RGS3: variants seen among roughly 807,000 people sequenced by gnomAD.
The protein encoded by RGS3 is regulator of G protein signaling 3.
Under a neutral mutation model 132.6 loss-of-function variants are expected in RGS3, and 80 were observed. The ratio of observed to expected loss-of-function variants is 0.60; its 90% CI spans 0.50 to 0.73. RGS3 has a LOEUF of 0.73. Among genes scored for constraint, RGS3 ranks in the 30% least tolerant of loss-of-function variants. The pLI is 0.00. For missense variants in RGS3, 1,382 were observed against 1,530.8 expected, an observed-to-expected ratio of 0.90 and a Z score of 1.62; for synonymous variants, 598 against 620.6, an observed-to-expected ratio of 0.96 and a Z score of 0.54.
intron 4 of RGS3, among the ~76,000 whole-genome samples, chr9:113,481,690 C>T: frequency 6.6e-6 from 1 of 152,232 alleles, no homozygotes; most frequent in East Asian, 1.9e-4. Context: ...CCATTGGTTT[C>T]CCAGGCCTTG....
At chr9:113,480,528 G>A (rs1298600905) in intron 4 of RGS3, among the ~76,000 whole-genome samples, 1 of 152,108 alleles carries the variant, frequency 6.6e-6, no homozygotes, top group Non-Finnish European at 1.5e-5. Context: ...TCTGTGCTAG[G>A]GGCTGGGAAC....
chr9:113,572,694 G>A (rs1834343056), intron 19 of RGS3, among the ~76,000 whole-genome samples: 1 of 152,226 alleles, frequency 6.6e-6, no homozygotes. Flanking sequence ...CTATGCCTTG[G>A]GCCCTGAACT....
intron 19 of RGS3, among the ~76,000 whole-genome samples, chr9:113,556,419 G>A (rs1833568502): frequency 6.6e-6 from 1 of 151,846 alleles, no homozygotes; most frequent in South Asian, 2.1e-4. Flanking sequence ...AATAATAATG[G>A]TGCCTAACAT....
At chr9:113,447,323 G>GTATACGTATATATATA (rs1829126423) in intron 1 of RGS3, among the ~76,000 whole-genome samples, 1 of 29,422 alleles carries the variant, frequency 3.4e-5, no homozygotes, top group Non-Finnish European at 6.8e-5. Context: ...TCTGATGTAT[G>GTATACGTATATATATA]TATATGTATA....
chr9:113,581,021 A>C (rs1225566129), intron 19 of RGS3: 6 of 58,772 alleles, frequency 1.0e-4, no homozygotes, highest in African/African-American at 1.6e-4. Flanking sequence ...TGGCTGGGCC[A>C]GGGGGTGGGT....
exon 9 of RGS3, chr9:113,497,393 G>C (rs746268190): frequency 1.2e-6 from 2 of 1,613,152 alleles, no homozygotes; most frequent in South Asian, 2.2e-5. Flanking sequence ...CGGCGACTGC[G>C]GCCGCTGAGA....
intron 19 of RGS3, among the ~76,000 whole-genome samples, chr9:113,573,920 A>C (rs1415862835): frequency 2.0e-5 from 3 of 152,250 alleles, no homozygotes; most frequent in Non-Finnish European, 4.4e-5. Context: ...TAGAAAGAGC[A>C]GGGCTTTGGA....
intron 19 of RGS3, chr9:113,582,025 T>G: frequency 8.1e-6 from 8 of 985,548 alleles, no homozygotes; most frequent in Non-Finnish European, 9.6e-6. Context: ...AGGCTGTGGC[T>G]CTTACCCGTG....
chr9:113,572,886 A>G (rs556940903), intron 19 of RGS3, among the ~76,000 whole-genome samples: 13 of 152,356 alleles, frequency 8.5e-5, no homozygotes, highest in African/African-American at 2.9e-4. Flanking sequence ...TGAAACCTGC[A>G]ACTAACAGGA....
upstream of RGS3, among the ~76,000 whole-genome samples, chr9:113,455,790 T>A (rs969405729): frequency 2.6e-5 from 4 of 152,214 alleles, no homozygotes; most frequent in Non-Finnish European, 5.9e-5. Context: ...GAGACACTTT[T>A]AAAAGGCAAA....
At chr9:113,503,160 G>A (rs1032149066) in intron 10 of RGS3, among the ~76,000 whole-genome samples, 4 of 152,214 alleles carry the variant, frequency 2.6e-5, no homozygotes, top group Non-Finnish European at 5.9e-5. Flanking sequence ...CCACCCGCAG[G>A]AAGGACAGGC....
chr9:113,548,857 C>T (rs1833218861), intron 19 of RGS3, among the ~76,000 whole-genome samples: 1 of 152,188 alleles, frequency 6.6e-6, no homozygotes, highest in African/African-American at 2.4e-5. Flanking sequence ...CGCACAGAGA[C>T]TGGGAACTCC....
At chr9:113,521,661 ATGTT>A (rs1383518825) in intron 16 of RGS3, among the ~76,000 whole-genome samples, 1 of 152,214 alleles carries the variant, frequency 6.6e-6, no homozygotes, top group African/African-American at 2.4e-5. Flanking sequence ...CTCTTGATGA[ATGTT>A]TGTTATTTTC....
In RGS3 at chr9:113,507,025, T is replaced by C. The variant is rs1831158979; in HGVS notation, c.1086-262T>C. Among the ~76,000 whole-genome samples, 1 of 152,180 alleles carries C rather than the reference T, an allele frequency of 6.6e-6. No homozygotes were observed. The highest frequency in any genetic ancestry group is 6.5e-5 in the Admixed American group (1 of 15,282). On this transcript the variant is annotated intron_variant, in intron 12 of 24. Transcript: ENST00000350696. The surrounding 1 kb of genome is among the most constrained non-coding windows in gnomAD (Gnocchi z 5.0). Reference sequence around the variant, plus strand: ...TTTGATAAGCATCATGGATTGAGTATGGAACTCTTTCCTGTTGAAACTGGC... The same window carrying C: ...TTTGATAAGCATCATGGATTGAGTACGGAACTCTTTCCTGTTGAAACTGGC...
intron 19 of RGS3, among the ~76,000 whole-genome samples, chr9:113,539,412 C>T (rs1352251862): frequency 6.6e-6 from 1 of 152,170 alleles, no homozygotes; most frequent in East Asian, 1.9e-4. Context: ...TGGGTTCAAG[C>T]GATTCTCATG....
At chr9:113,595,088 G>A (rs1835692716) in intron 23 of RGS3, 108 bp downstream of exon 21, 15 of 1,039,292 alleles carry the variant, frequency 1.4e-5, no homozygotes, top group East Asian at 5.1e-5. Flanking sequence ...CCCTCTCCTC[G>A]GCCGTCAGGG....
chr9:113,578,474 C>A (rs1193032862), intron 19 of RGS3, among the ~76,000 whole-genome samples: 1 of 152,158 alleles, frequency 6.6e-6, no homozygotes, highest in East Asian at 1.9e-4. Flanking sequence ...AATGTAAGTA[C>A]CGCCTCCATC....
chr9:113,566,709 G>A (rs536027691), intron 19 of RGS3, among the ~76,000 whole-genome samples: 14 of 152,322 alleles, frequency 9.2e-5, no homozygotes, highest in African/African-American at 2.6e-4. Context: ...GCCCCACAGC[G>A]ATGCTTGAAA....
chr9:113,499,346 C>T (rs1466257098), intron 10 of RGS3, among the ~76,000 whole-genome samples: 1 of 152,066 alleles, frequency 6.6e-6, no homozygotes, highest in African/African-American at 2.4e-5. Context: ...TTCCGCATCT[C>T]ACAGATGAGA....
Sources: gnomAD v4.1 joint callset for allele counts (sites outside exome capture counted in the v4.1 genomes callset) on GRCh38, gnomAD v4.1.1 for gene constraint, Gnocchi (gnomAD v3.1) non-coding constraint, MANE v1.5 for transcripts, NCBI Gene and HGNC (gene_info 2026-07-23, HGNC 2026-07-21) for gene names.